Variants in FREM3 observed in about 807,000 individuals in gnomAD.
FREM3 encodes the protein FRAS1-related extracellular matrix protein 3.
Under a neutral mutation model 129.1 loss-of-function variants are expected in FREM3, and 105 were observed. That is an observed-to-expected ratio of 0.81 (90% CI 0.69 to 0.96). The LOEUF (loss-of-function observed/expected upper bound fraction) is 0.96. Among genes scored for constraint, FREM3 ranks in the 40% least tolerant of loss-of-function variants. The probability of loss-of-function intolerance (pLI) is 0.00; values close to 1 mark genes in which losing one functional copy is unlikely to be tolerated. For missense variants in FREM3, 2,593 were observed against 2,666.3 expected (o/e 0.97, Z 0.61); for synonymous variants, 1,014 against 1,044.9 (o/e 0.97, Z 0.57).
intron 7 of FREM3, among the ~76,000 whole-genome samples, chr4:143,583,454 A>G (rs11937762): frequency 0.68 from 102,817 of 152,008 alleles, 36,439 homozygotes; most frequent in Non-Finnish European, 0.79. Context: ...CAGGAAATGC[A>G]GAGAACCCTT....
At chr4:143,673,968 C>T (rs981362292) in intron 2 of FREM3, among the ~76,000 whole-genome samples, 24 of 152,200 alleles carry the variant, frequency 1.6e-4, no homozygotes, top group African/African-American at 5.5e-4. Context: ...GGGAGTGACC[C>T]GATTTTCCAG....
chr4:143,592,970 A>C (rs561449107), intron 6 of FREM3, among the ~76,000 whole-genome samples: 2 of 152,000 alleles, frequency 1.3e-5, no homozygotes, highest in Non-Finnish European at 2.9e-5. Flanking sequence ...ACTTCTCTTT[A>C]TGCTTCATTT....
intron 2 of FREM3, among the ~76,000 whole-genome samples, chr4:143,660,428 G>C (rs1186068594): frequency 6.6e-6 from 1 of 152,068 alleles, no homozygotes; most frequent in South Asian, 2.1e-4. Flanking sequence ...GCTCTGTTCT[G>C]TTCCATTGAT....
intron 2 of FREM3, among the ~76,000 whole-genome samples, chr4:143,636,353 A>AC (rs1739233835): frequency 1.4e-5 from 2 of 144,000 alleles, no homozygotes; most frequent in African/African-American, 5.1e-5. Flanking sequence ...AAAAAAAAAA[A>AC]GACATGGAGA....
At chr4:143,657,675 T>C (rs979111472) in intron 2 of FREM3, among the ~76,000 whole-genome samples, 2 of 152,244 alleles carry the variant, frequency 1.3e-5, no homozygotes, top group African/African-American at 4.8e-5. Flanking sequence ...ATTTTATTAG[T>C]GCTTCATCAC....
chr4:143,649,715 T>C (rs529802578), intron 2 of FREM3, among the ~76,000 whole-genome samples: 1 of 152,336 alleles, frequency 6.6e-6, no homozygotes, highest in African/African-American at 2.4e-5. Context: ...AATGAAACTA[T>C]ATTTGCATTA....
chr4:143,665,555 A>T (rs1480781731), intron 2 of FREM3, among the ~76,000 whole-genome samples: 1 of 152,116 alleles, frequency 6.6e-6, no homozygotes, highest in Non-Finnish European at 1.5e-5. Context: ...GTGTTTCTTT[A>T]CATATTGAGG....
chr4:143,659,178 G>T (rs189701725), intron 2 of FREM3, among the ~76,000 whole-genome samples: 8,355 of 151,260 alleles, frequency 0.055, 245 homozygotes, highest in Middle Eastern at 0.15. Flanking sequence ...GTGCCATGCT[G>T]GTGTGCTGCA....
intron 6 of FREM3, among the ~76,000 whole-genome samples, chr4:143,609,253 G>A (rs1909022): frequency 0.33 from 50,715 of 151,862 alleles, 9,785 homozygotes; most frequent in South Asian, 0.44. Flanking sequence ...CATTTCTTTC[G>A]TTGTGTACCT....
At chr4:143,663,847 A>G (rs943356919) in intron 2 of FREM3, among the ~76,000 whole-genome samples, 2 of 151,672 alleles carry the variant, frequency 1.3e-5, no homozygotes, top group African/African-American at 4.8e-5. Flanking sequence ...ATCTTCCATC[A>G]CTGATACCCT....
chr4:143,677,634 A>C (rs1740165076), intron 2 of FREM3, among the ~76,000 whole-genome samples: 1 of 152,228 alleles, frequency 6.6e-6, no homozygotes, highest in Non-Finnish European at 1.5e-5. Flanking sequence ...AAAATTTTGC[A>C]ATCTACTCAT....
chr4:143,624,306 C>CT lies in FREM3; in HGVS notation c.5454dup (p.Asp1819ArgfsTer10). The CT allele has an allele frequency of 1.3e-6, 2 of 1,536,822 alleles. No homozygotes were observed. The highest frequency in any genetic ancestry group is 1.7e-6 in the Non-Finnish European group (2 of 1,146,686). ...TTGGTCTTCCATTTGAAATCTTTGTCTTTTTTTGCAGTTTCATCTTTGGTA... is the reference window on the plus strand; with the variant it reads ...TTGGTCTTCCATTTGAAATCTTTGTCTTTTTTTTGCAGTTTCATCTTTGGTA... On this transcript the variant is annotated frameshift_variant, in exon 4 of 8. Coordinates refer to ENST00000329798, the MANE Select transcript of FREM3 (RefSeq NM_001168235.2). LOFTEE classifies it high-confidence loss of function.
chr4:143,598,718 C>T (rs1254915018), intron 6 of FREM3, among the ~76,000 whole-genome samples: 1 of 152,122 alleles, frequency 6.6e-6, no homozygotes, highest in Non-Finnish European at 1.5e-5. Context: ...ATGGTTGTCC[C>T]ATATGATCAT....
chr4:143,582,898 CT>C (rs35360267), intron 7 of FREM3, among the ~76,000 whole-genome samples: 8 of 147,760 alleles, frequency 5.4e-5, no homozygotes, highest in African/African-American at 7.5e-5. Context: ...AATTAATTTA[CT>C]TTTTTTTTTT....
chr4:143,604,638 T>C (rs1738638308), intron 6 of FREM3, among the ~76,000 whole-genome samples: 1 of 152,104 alleles, frequency 6.6e-6, no homozygotes, highest in Non-Finnish European at 1.5e-5. Context: ...ATCAAAACAC[T>C]TAGGAAGCTC....
chr4:143,650,913 T>C (rs1739499779), intron 2 of FREM3, among the ~76,000 whole-genome samples: 1 of 152,222 alleles, frequency 6.6e-6, no homozygotes, highest in South Asian at 2.1e-4. Context: ...GATATGTCAG[T>C]CCCTGACTTC....
At position 143,660,914 on chromosome 4, in the gene FREM3, T is replaced by C. The variant is rs575900239; in HGVS notation, c.5275+32199A>G. On this transcript the variant is annotated intron_variant, in intron 2 of 7. Coordinates refer to ENST00000329798, the MANE Select transcript of FREM3 (RefSeq NM_001168235.2). ...TGTCATTGGTGTATAAGAATGTTTG[T>C]GATTTTTGTACATTGATTTTGTATC... is the stretch of plus-strand genomic sequence containing the variant. Among the ~76,000 whole-genome samples, 16 of 152,342 alleles carry C rather than the reference T, an allele frequency of 1.1e-4. No individual in the cohort carries two copies. The East Asian group carries it at 2.9e-3, about 28-fold the overall frequency.
At chr4:143,633,180 A>T (rs1336674760) in intron 2 of FREM3, among the ~76,000 whole-genome samples, 3 of 152,124 alleles carry the variant, frequency 2.0e-5, no homozygotes, top group Non-Finnish European at 4.4e-5. Context: ...ACGGTCATCC[A>T]CAGAGTGCTG....
In FREM3 at chr4:143,584,538, A is replaced by T. The variant is rs1187157001; in HGVS notation, c.6178+1306T>A. On this transcript the variant is annotated intron_variant, in intron 7 of 7. Transcript: ENST00000329798. The stretch of plus-strand genomic sequence containing the variant: ...AATGATAAAAAAGACAAAGACAGGC[A>T]TTATATAATCGTAAAGGGTTTAATT... Among the ~76,000 whole-genome samples the T allele has an allele frequency of 2.0e-5, 3 of 152,236 alleles. No homozygotes were observed. In the South Asian group the frequency reaches 6.2e-4, roughly 31 times the overall value.
Sources: gnomAD v4.1 joint callset for allele counts (sites outside exome capture counted in the v4.1 genomes callset) on GRCh38, gnomAD v4.1.1 for gene constraint, MANE v1.5 for transcripts, NCBI Gene and HGNC (gene_info 2026-07-23, HGNC 2026-07-21) for gene names.